MIDEAS: variants seen among roughly 807,000 people sequenced by gnomAD.
MIDEAS encodes the protein mitotic deacetylase associated SANT domain protein.
Under a neutral mutation model 102.7 loss-of-function variants are expected in MIDEAS, and 26 were observed. The observed-to-expected ratio is 0.25, with a 90% CI of 0.19 to 0.35. The LOEUF (loss-of-function observed/expected upper bound fraction) is 0.35, where lower values mean the gene tolerates loss of function less well. Ranked by LOEUF, MIDEAS falls within the 10% of genes least tolerant of loss-of-function variation. The pLI is 1.00. For missense variants in MIDEAS, 1,231 were observed against 1,435.6 expected (o/e 0.86, Z 2.30); for synonymous variants, 585 against 591.0 (o/e 0.99, Z 0.15).
At chr14:73,746,241 T>C (rs1477879442) in intron 1 of MIDEAS, among the ~76,000 whole-genome samples, 1 of 152,122 alleles carries the variant, frequency 6.6e-6, no homozygotes, top group Non-Finnish European at 1.5e-5. Flanking sequence ...GATAGCCAGG[T>C]TTGTTTTGCC....
At chr14:73,752,169 G>C (rs998991610) in intron 1 of MIDEAS, among the ~76,000 whole-genome samples, 1 of 152,130 alleles carries the variant, frequency 6.6e-6, no homozygotes, top group Non-Finnish European at 1.5e-5. Context: ...AGGAGACAGA[G>C]GTGCCCACTC....
chr14:73,737,710 CCA>C (rs2053220673), intron 2 of MIDEAS, among the ~76,000 whole-genome samples: 1 of 151,892 alleles, frequency 6.6e-6, no homozygotes, highest in African/African-American at 2.4e-5. Context: ...ACTCAAACAC[CCA>C]CAGTGGCTCC....
chr14:73,766,851 AT>A (rs34401057), intron 1 of MIDEAS, among the ~76,000 whole-genome samples: 276 of 75,902 alleles, frequency 3.6e-3, no homozygotes, highest in African/African-American at 0.011. Context: ...CTGCCCGGCC[AT>A]TTTTTTTTTT....
rs771171294 is a variant in MIDEAS at position 73,738,619 on chromosome 14, C to A, written c.1390G>T (p.Ala464Ser). 1.2e-6 allele frequency: 2 copies of A among 1,610,994 alleles called. No individual in the cohort carries two copies. The highest frequency in any genetic ancestry group is 2.7e-5 in the African/African-American group (2 of 74,872). ...TTCTGGGCCAGGGTCAGCAAATTGG[C>A]CTCCTGGGATGCCCGGCGCCTCCGT... ...TRRRRRASQE[A>S]NLLTLAQKAV... is the part of the protein sequence containing the mutation. Residue 464 changes from alanine (A) to serine (S), a missense_variant, in exon 2 of 13, where the codon GCC (alanine) becomes TCC (serine). Ala to Ser is a moderately conservative substitution (Grantham distance 99, BLOSUM62 1). This residue lies in a region of MIDEAS where 758 missense variants were observed against 856.0 expected (regional missense o/e 0.89). Transcript: ENST00000423556.
chr14:73,719,134 G>C (rs2052944041), intron 12 of MIDEAS, 126 bp from the exon 13 acceptor site: 4 of 1,461,794 alleles, frequency 2.7e-6, no homozygotes, highest in African/African-American at 1.4e-5. Context: ...GCCAGCTCGC[G>C]TCATTTTCCG....
In MIDEAS at chr14:73,739,455, T is replaced by C. The variant is rs780209175; in HGVS notation, c.554A>G (p.Gln185Arg). Residue 185 changes from glutamine to arginine, a missense_variant, in exon 2 of 13, where the codon CAG becomes CGG. By Grantham distance (43) the Gln-to-Arg change is conservative (BLOSUM62 1). Around this residue, in one of 5 missense-constraint regions of MIDEAS, gnomAD observed 758 missense variants for 856.0 expected, o/e 0.89. Coordinates refer to ENST00000423556, the MANE Select transcript of MIDEAS (RefSeq NM_001367710.1). ...LDRYVRPMMP[Q>R]KVQLEVGRPQ... ...CCGCCCTACCTCCAGCTGCACCTTCTGTGGCATCATTGGTCGCACATAGCG... is the reference window on the plus strand; with the variant it reads ...CCGCCCTACCTCCAGCTGCACCTTCCGTGGCATCATTGGTCGCACATAGCG... The C allele has an allele frequency of 3.1e-6, 5 of 1,600,382 alleles. No individual in the cohort carries two copies. Among genetic ancestry groups the C allele is most frequent in the Non-Finnish European group, 4.3e-6 (5 of 1,172,680 alleles).
intron 4 of MIDEAS, chr14:73,727,933 A>G (rs1008880796): frequency 6.1e-6 from 1 of 162,944 alleles, no homozygotes. Flanking sequence ...CTTTGAGCAC[A>G]CTAGGGAGGT....
At chr14:73,733,164 C>G (rs1174733767) in intron 3 of MIDEAS, among the ~76,000 whole-genome samples, 1 of 152,182 alleles carries the variant, frequency 6.6e-6, no homozygotes, top group Non-Finnish European at 1.5e-5. Flanking sequence ...GGCAAACCCC[C>G]AGGCTTTGGA....
At chr14:73,736,587 C>T (rs541032728) in intron 3 of MIDEAS, among the ~76,000 whole-genome samples, 39 of 150,676 alleles carry the variant, frequency 2.6e-4, no homozygotes, top group African/African-American at 7.3e-4. Flanking sequence ...GCCGAGATTG[C>T]GCCACTACAC....
chr14:73,757,752 C>G (rs1206551465), intron 1 of MIDEAS, among the ~76,000 whole-genome samples: 3 of 152,236 alleles, frequency 2.0e-5, no homozygotes, highest in Non-Finnish European at 4.4e-5. Flanking sequence ...TCTCTGGGGA[C>G]TCTAGACACA....
At chr14:73,724,982 G>A (rs777458351) in intron 9 of MIDEAS, 13 of 294,214 alleles carry the variant, frequency 4.4e-5, no homozygotes, top group South Asian at 1.3e-4. Flanking sequence ...ACCCTCCTCC[G>A]CATCTTCCTC....
intron 1 of MIDEAS, among the ~76,000 whole-genome samples, chr14:73,757,688 G>A (rs190428558): frequency 6.6e-6 from 1 of 152,260 alleles, no homozygotes; most frequent in Non-Finnish European, 1.5e-5. Flanking sequence ...CCTGGACTGG[G>A]CCCATTCCCC....
intron 11 of MIDEAS, among the ~76,000 whole-genome samples, chr14:73,720,562 T>TA (rs113049259): frequency 2.1e-4 from 31 of 151,028 alleles, no homozygotes; most frequent in African/African-American, 4.9e-4. Context: ...CATACATTTC[T>TA]AAAAAAAAAG....
intron 11 of MIDEAS, among the ~76,000 whole-genome samples, chr14:73,719,916 T>C (rs1394395441): frequency 1.3e-5 from 2 of 151,674 alleles, no homozygotes; most frequent in Non-Finnish European, 2.9e-5. Context: ...ATCCCTGCCC[T>C]CAGAGCTGAG....
At chr14:73,741,197 C>T (rs1321783374) in intron 1 of MIDEAS, among the ~76,000 whole-genome samples, 2 of 152,230 alleles carry the variant, frequency 1.3e-5, no homozygotes, top group African/African-American at 4.8e-5. Context: ...GAAGGTTTCT[C>T]CACGATAATG....
intron 1 of MIDEAS, among the ~76,000 whole-genome samples, chr14:73,776,426 G>A (rs552980807): frequency 1.3e-5 from 2 of 151,338 alleles, no homozygotes; most frequent in Non-Finnish European, 2.9e-5. Context: ...GCTCATGCCT[G>A]TCATCCCAAC....
intron 1 of MIDEAS, among the ~76,000 whole-genome samples, chr14:73,782,032 G>A (rs1441315702): frequency 6.6e-6 from 1 of 152,106 alleles, no homozygotes; most frequent in Non-Finnish European, 1.5e-5. Flanking sequence ...ACTCCAGCCT[G>A]GGTAGAGTAA....
At chr14:73,764,651 C>A (rs1482310193), upstream of MIDEAS, among the ~76,000 whole-genome samples, 1 of 152,244 alleles carries the variant, frequency 6.6e-6, no homozygotes, top group African/African-American at 2.4e-5. Flanking sequence ...AGCTCACAAC[C>A]ACCCCAGTCA....
Position 73,738,750 on chromosome 14 carries a change from C to A in MIDEAS, c.1259G>T (p.Gly420Val). 1 of 1,610,042 alleles carries A rather than the reference C, an allele frequency of 6.2e-7. No homozygotes were observed. The highest frequency in any genetic ancestry group is 2.2e-5 in the East Asian group (1 of 44,840). The change falls in exon 2 of 13, where the codon GGC (glycine) becomes GTC (valine). Residue 420 changes from glycine (G) to valine (V), a missense_variant. Transcript: ENST00000423556. ...LPDGERLAPN[G>V]REREAPAMGS... ...CATGGCAGGAGCCTCTCGCTCCCGG[C>A]CATTGGGTGCTAGTCTCTCCCCATC... is the stretch of plus-strand genomic sequence containing the variant.
Sources: allele counts gnomAD v4.1 joint callset (sites outside exome capture counted in the v4.1 genomes callset), GRCh38; gene constraint gnomAD v4.1.1; regional missense constraint gnomAD v4.1.1; transcripts MANE v1.5; gene names NCBI Gene and HGNC (gene_info 2026-07-23, HGNC 2026-07-21).